UTRN: variants seen among roughly 807,000 people sequenced by gnomAD.
The protein encoded by UTRN is utrophin, also known as dystrophin-related protein 1.
In UTRN, 283 loss-of-function variants were observed where a neutral mutation model predicts 463.9. The ratio of observed to expected loss-of-function variants is 0.61; its 90% CI spans 0.55 to 0.67. UTRN has a LOEUF of 0.67. Among genes scored for constraint, UTRN ranks in the 30% least tolerant of loss-of-function variants. UTRN has a pLI of 0.00. For synonymous variants in UTRN, 1,442 were observed against 1,431.5 expected (o/e 1.01, Z -0.17); for missense variants, 3,922 against 4,084.3 (o/e 0.96, Z 1.08).
intron 51 of UTRN, among the ~76,000 whole-genome samples, chr6:144,597,235 C>CAAAA (rs67471247): frequency 4.5e-4 from 39 of 85,746 alleles, no homozygotes; most frequent in East Asian, 2.0e-3. Flanking sequence ...GAGACTGTCT[C>CAAAA]AAAAAAAAAA....
At position 144,484,432 on chromosome 6, in the gene UTRN, C is replaced by CTTT. The variant is rs765122659; in HGVS notation, c.3688-928_3688-926dup. Among the ~76,000 whole-genome samples the CTTT allele has an allele frequency of 1.6e-3, 108 of 66,264 alleles. 13 individuals carry two copies. Among genetic ancestry groups the CTTT allele is most frequent in the African/African-American group, 6.1e-3 (80 of 13,104 alleles). The allele number at this position is 66,264 out of a possible 152,430, so 43.5% of individuals were successfully genotyped here. A position where few individuals can be genotyped will look rare whatever the true frequency, so the allele number is the denominator to read the frequency against. ...TTTTTCATTTTGTTCAAAAACCAAA[C>CTTT]TTTTTTTTTTTTTTTTTTTTTTTTT... is the stretch of plus-strand genomic sequence containing the variant. On this transcript the variant is annotated intron_variant, in intron 27 of 74. Transcript: ENST00000367545.
At chr6:144,760,307 C>T (rs927859523) in intron 58 of UTRN, among the ~76,000 whole-genome samples, 1 of 151,960 alleles carries the variant, frequency 6.6e-6, no homozygotes, top group Non-Finnish European at 1.5e-5. Flanking sequence ...AGCACTATTA[C>T]CAGCACTGGA....
intron 2 of UTRN, among the ~76,000 whole-genome samples, chr6:144,360,785 C>T (rs1779014825): frequency 6.6e-6 from 1 of 152,184 alleles, no homozygotes; most frequent in Non-Finnish European, 1.5e-5. Flanking sequence ...GGGTTGTGAT[C>T]GAATGGTAAC....
chr6:144,414,674 G>A (rs938759174), intron 3 of UTRN, among the ~76,000 whole-genome samples: 12 of 151,056 alleles, frequency 7.9e-5, no homozygotes, highest in Admixed American at 3.3e-4. Context: ...AGTCCTGTAC[G>A]CACCATTCAT....
intron 2 of UTRN, among the ~76,000 whole-genome samples, chr6:144,362,811 C>G (rs909403522): frequency 4.1e-4 from 62 of 152,278 alleles, no homozygotes; most frequent in African/African-American, 1.5e-3. Context: ...CAACATCTGA[C>G]CTATGAGGCT....
intron 60 of UTRN, 44 bp downstream of exon 60, chr6:144,774,408 C>CTTT: frequency 7.3e-7 from 1 of 1,368,498 alleles, no homozygotes; most frequent in African/African-American, 1.9e-5. Context: ...ACTTGAATTG[C>CTTT]GTTTTTTTTT....
intron 72 of UTRN, among the ~76,000 whole-genome samples, chr6:144,840,169 G>A (rs187455585): frequency 1.1e-4 from 16 of 151,808 alleles, no homozygotes; most frequent in African/African-American, 3.1e-4. Context: ...GCCTGGTGAC[G>A]GAGGCTCCAT....
intron 2 of UTRN, among the ~76,000 whole-genome samples, chr6:144,385,484 T>C (rs1248883176): frequency 6.6e-6 from 1 of 152,228 alleles, no homozygotes; most frequent in African/African-American, 2.4e-5. Context: ...CATAAACTTA[T>C]TCTTCTAACC....
At chr6:144,470,519 A>G (rs966923727) in intron 23 of UTRN, among the ~76,000 whole-genome samples, 19 of 150,554 alleles carry the variant, frequency 1.3e-4, no homozygotes, top group African/African-American at 4.7e-4. Flanking sequence ...GCGGCCAGGC[A>G]GAGATGCTCC....
intron 52 of UTRN, among the ~76,000 whole-genome samples, chr6:144,679,533 C>T (rs1421150831): frequency 6.6e-6 from 1 of 152,156 alleles, no homozygotes; most frequent in East Asian, 1.9e-4. Flanking sequence ...ACAAACTACT[C>T]AGCCTCTTTG....
intron 52 of UTRN, among the ~76,000 whole-genome samples, chr6:144,696,499 C>T (rs1784017647): frequency 6.6e-6 from 1 of 152,148 alleles, no homozygotes; most frequent in Admixed American, 6.5e-5. Context: ...CTTTTCAGCA[C>T]CGTCAGACTG....
chr6:144,802,270 T>C (rs893888683), intron 64 of UTRN, among the ~76,000 whole-genome samples: 36 of 152,200 alleles, frequency 2.4e-4, no homozygotes, highest in African/African-American at 8.7e-4. Context: ...ATGATTTCCT[T>C]AAGATTGATT....
intron 1 of UTRN, among the ~76,000 whole-genome samples, chr6:144,290,667 C>T (rs1466991518): frequency 6.6e-6 from 1 of 151,696 alleles, no homozygotes; most frequent in Non-Finnish European, 1.5e-5. Flanking sequence ...GAGCTAGGTT[C>T]CTTAATTTGC....
intron 2 of UTRN, among the ~76,000 whole-genome samples, chr6:144,299,952 A>G (rs1420036214): frequency 6.6e-6 from 1 of 152,162 alleles, no homozygotes; most frequent in Non-Finnish European, 1.5e-5. Flanking sequence ...TAATTTGCCT[A>G]CCATTCTTTA....
intron 51 of UTRN, among the ~76,000 whole-genome samples, chr6:144,653,040 C>T (rs201923257): frequency 8.3e-6 from 1 of 120,876 alleles, no homozygotes; most frequent in African/African-American, 2.8e-5. Flanking sequence ...AAAATAGAAA[C>T]ACAGGCTGTG....
intron 14 of UTRN, 140 bp from the exon 15 acceptor site, chr6:144,447,071 C>G (rs1364155195): frequency 1.5e-6 from 1 of 663,810 alleles, no homozygotes; most frequent in African/African-American, 1.8e-5. Context: ...GTGCCTCAGA[C>G]TTAGGTGTTT....
chr6:144,758,791 C>G (rs1792302601), intron 58 of UTRN, among the ~76,000 whole-genome samples: 1 of 152,002 alleles, frequency 6.6e-6, no homozygotes, highest in African/African-American at 2.4e-5. Flanking sequence ...ATAGTTGACC[C>G]TATTTTATGT....
chr6:144,832,179 A>G (rs564643334), intron 69 of UTRN, among the ~76,000 whole-genome samples: 23 of 152,292 alleles, frequency 1.5e-4, no homozygotes, highest in African/African-American at 5.5e-4. Flanking sequence ...AGAGTTTGTT[A>G]TTGGTTTTTA....
chr6:144,761,548 A>G (rs1792682264), intron 58 of UTRN, among the ~76,000 whole-genome samples: 1 of 152,096 alleles, frequency 6.6e-6, no homozygotes, highest in Admixed American at 6.6e-5. Flanking sequence ...CAGGAGGCTG[A>G]GGTGGGAGGA....
Sources: allele counts gnomAD v4.1 joint callset (sites outside exome capture counted in the v4.1 genomes callset), GRCh38; gene constraint gnomAD v4.1.1; transcripts MANE v1.5; gene names NCBI Gene and HGNC (gene_info 2026-07-23, HGNC 2026-07-21).